MAP9: variants seen among roughly 807,000 people sequenced by gnomAD.
MAP9 encodes the protein microtubule associated protein 9.
In MAP9, 80 loss-of-function variants were observed where a neutral mutation model predicts 75.2. That is an observed-to-expected ratio of 1.06 (90% CI 0.89 to 1.28). The LOEUF (loss-of-function observed/expected upper bound fraction) is 1.28. Ranked by LOEUF, MAP9 falls within the 50% of genes most tolerant of loss-of-function variation. The pLI is 0.00. For synonymous variants in MAP9, 235 were observed against 237.3 expected (o/e 0.99, Z 0.09); for missense variants, 753 against 719.9 (o/e 1.05, Z -0.53).
chr4:155,368,389 C>T (rs892796743), intron 5 of MAP9, 197 bp downstream of exon 5: 14 of 616,910 alleles, frequency 2.3e-5, no homozygotes, highest in South Asian at 6.0e-5. Flanking sequence ...AATAATGCTA[C>T]GTCTTACAAT....
At chr4:155,369,466 G>T (rs943527582) in intron 4 of MAP9, among the ~76,000 whole-genome samples, 2 of 131,090 alleles carry the variant, frequency 1.5e-5, no homozygotes, top group East Asian at 4.3e-4. Context: ...AAAAAAAAAT[G>T]TTAAAAATAA....
chr4:155,349,754 G>A (rs1305778221), intron 13 of MAP9: 1 of 152,308 alleles, frequency 6.6e-6, no homozygotes, highest in African/African-American at 2.4e-5. Context: ...AGACCATCTA[G>A]CTAGGCGGAA....
chr4:155,350,876 T>G (rs1468137289), intron 13 of MAP9, among the ~76,000 whole-genome samples: 1 of 151,996 alleles, frequency 6.6e-6, no homozygotes, highest in Admixed American at 6.6e-5. Context: ...TTTTCTCAAG[T>G]CTTCATTTGT....
At position 155,352,705 on chromosome 4, in the gene MAP9, A is replaced by G; in HGVS notation, c.1712T>C (p.Phe571Ser). The G allele has an allele frequency of 1.3e-6, 2 of 1,559,780 alleles. No individual in the cohort carries two copies. Among genetic ancestry groups the G allele is most frequent in the Non-Finnish European group, 1.7e-6 (2 of 1,147,604 alleles). Residue 571 changes from phenylalanine (F) to serine (S), a missense_variant, in exon 13 of 14, where the codon TTC becomes TCC. Phe to Ser is a radical substitution (Grantham distance 155). Coordinates refer to ENST00000311277, the MANE Select transcript of MAP9 (RefSeq NM_001039580.2). ...TATTTTTTCTTTTTCCTTTTGCTTGAAAAAAGCTTCCTTTTTTTCATTCCT... is the reference window on the plus strand; with the variant it reads ...TATTTTTTCTTTTTCCTTTTGCTTGGAAAAAGCTTCCTTTTTTTCATTCCT... Reference protein sequence around the residue: ...EKWNEKKEAFFKQKEKEKINE... With the variant: ...EKWNEKKEAFSKQKEKEKINE...
chr4:155,353,140 A>T, intron 11 of MAP9, 39 bp downstream of exon 11: 1 of 1,544,716 alleles, frequency 6.5e-7, no homozygotes, highest in Non-Finnish European at 8.7e-7. Flanking sequence ...TGGATTTCAA[A>T]TGTTTTAAAA....
chr4:155,367,863 T>A lies in MAP9; in HGVS notation c.708+723A>T, dbSNP rs115154760. 1.2e-3 allele frequency among the ~76,000 whole-genome samples: 182 copies of A among 152,342 alleles called. 1 individual carries two copies. The highest frequency in any genetic ancestry group is 3.4e-3 in the Middle Eastern group (1 of 292). Reference sequence around the variant, plus strand: ...AAGCACCAACACTGCAGACAAGCGATGAGAAAAAGAAAGAAGCTTGGCCAG... The same window carrying A: ...AAGCACCAACACTGCAGACAAGCGAAGAGAAAAAGAAAGAAGCTTGGCCAG... On this transcript the variant is annotated intron_variant, in intron 5 of 13. Transcript: ENST00000311277.
intron 5 of MAP9, among the ~76,000 whole-genome samples, chr4:155,366,594 A>G (rs973179078): frequency 6.6e-6 from 1 of 152,210 alleles, no homozygotes; most frequent in Non-Finnish European, 1.5e-5. Flanking sequence ...TTTAGCACGA[A>G]AGACACAAAA....
At chr4:155,370,034 A>C (rs1264510713) in intron 4 of MAP9, among the ~76,000 whole-genome samples, 1 of 152,188 alleles carries the variant, frequency 6.6e-6, no homozygotes, top group Non-Finnish European at 1.5e-5. Context: ...CTGCCAGAAG[A>C]TTCCACAACC....
At chr4:155,362,194 T>C in intron 5 of MAP9, 53 bp from the exon 6 acceptor site, 1 of 1,055,542 alleles carries the variant, frequency 9.5e-7, no homozygotes, top group Non-Finnish European at 1.4e-6. Context: ...AATTAACATT[T>C]ATGGGAACAA....
chr4:155,363,428 G>C (rs1279464870), intron 5 of MAP9: 6 of 152,048 alleles, frequency 3.9e-5, no homozygotes, highest in Non-Finnish European at 8.8e-5. Flanking sequence ...AAAAAACAGA[G>C]AATGGTCAAT....
rs764459907 is a variant in MAP9, at chr4:155,368,671, T to C, written c.623A>G (p.His208Arg). 3.7e-6 allele frequency: 6 copies of C among 1,614,232 alleles called. No individual in the cohort carries two copies. The highest frequency in any genetic ancestry group is 1.1e-5 in the South Asian group (1 of 91,090). ...ETALSEELEL[H>R]SAPSSLPTPN... The stretch of plus-strand genomic sequence containing the variant: ...CGTTGGAAGGGAAGAAGGTGCAGAA[T>C]GTAACTCCAATTCTTCACTGAGGGC... Residue 208 changes from histidine (H) to arginine (R), a missense_variant, in exon 5 of 14, where the codon CAT (histidine) becomes CGT (arginine). Transcript: ENST00000311277.
At chr4:155,369,236 T>C (rs1402974905) in intron 4 of MAP9, among the ~76,000 whole-genome samples, 4 of 150,700 alleles carry the variant, frequency 2.7e-5, no homozygotes, top group Non-Finnish European at 4.4e-5. Context: ...GGCAGGAGGA[T>C]TGCTTGAACC....
intron 13 of MAP9, chr4:155,350,133 A>T: frequency 3.0e-6 from 1 of 329,106 alleles, no homozygotes; most frequent in Non-Finnish European, 5.9e-6. Context: ...ATTACCCACC[A>T]AATGCTTACT....
intron 5 of MAP9, chr4:155,368,199 A>G (rs944513213): frequency 9.9e-6 from 3 of 302,772 alleles, no homozygotes; most frequent in African/African-American, 6.5e-5. Flanking sequence ...TCTTAGCCAT[A>G]AATTACATAA....
At chr4:155,371,099 G>C (rs896679478) in intron 4 of MAP9, among the ~76,000 whole-genome samples, 1 of 152,094 alleles carries the variant, frequency 6.6e-6, no homozygotes, top group African/African-American at 2.4e-5. Context: ...CATATCCTGT[G>C]AAAAATACTT....
intron 5 of MAP9, 181 bp from the exon 6 acceptor site, chr4:155,362,322 T>C: frequency 6.2e-6 from 3 of 482,162 alleles, no homozygotes; most frequent in Non-Finnish European, 1.1e-5. Context: ...TGCTTTACTT[T>C]CAAGCCTTGA....
At position 155,368,672 on chromosome 4, in the gene MAP9, G is replaced by C; in HGVS notation, c.622C>G (p.His208Asp). Residue 208 changes from histidine to aspartate, a missense_variant, in exon 5 of 14, where the codon CAT becomes GAT. His to Asp is a moderately conservative substitution (Grantham distance 81). Coordinates refer to ENST00000311277, the MANE Select transcript of MAP9 (RefSeq NM_001039580.2). Reference protein sequence around the residue: ...ETALSEELELHSAPSSLPTPN... With the variant: ...ETALSEELELDSAPSSLPTPN... ...GTTGGAAGGGAAGAAGGTGCAGAAT[G>C]TAACTCCAATTCTTCACTGAGGGCA... 6.2e-7 allele frequency: 1 copy of C among 1,614,158 alleles called. No individual in the cohort carries two copies. The highest frequency in any genetic ancestry group is 1.3e-5 in the African/African-American group (1 of 75,050).
Position 155,352,716 on chromosome 4 carries a change from C to CT in MAP9, c.1700dup (p.Glu568GlyfsTer14), listed in dbSNP as rs1215313075. ...TTTCCTTTTGCTTGAAAAAAGCTTCCTTTTTTTCATTCCTATAGAGCATAG... is the reference window on the plus strand; with the variant it reads ...TTTCCTTTTGCTTGAAAAAAGCTTCCTTTTTTTTCATTCCTATAGAGCATAG... On this transcript the variant is annotated frameshift_variant, in exon 13 of 14. Transcript: ENST00000311277. LOFTEE classifies it high-confidence loss of function. 8 of 1,516,062 alleles carry CT rather than the reference C, an allele frequency of 5.3e-6. No homozygotes were observed. The highest frequency in any genetic ancestry group is 3.8e-5 in the Admixed American group (2 of 52,634). The allele number at this position is 1,516,062 out of a possible 1,614,324, so 93.9% of individuals were successfully genotyped here.
intron 5 of MAP9, among the ~76,000 whole-genome samples, chr4:155,367,805 C>T (rs1732397660): frequency 6.6e-6 from 1 of 152,228 alleles, no homozygotes; most frequent in African/African-American, 2.4e-5. Flanking sequence ...CCTCTCAGCA[C>T]CTTCTGCCTC....
Sources: gnomAD v4.1 joint callset for allele counts (sites outside exome capture counted in the v4.1 genomes callset) on GRCh38, gnomAD v4.1.1 for gene constraint, MANE v1.5 for transcripts, NCBI Gene and HGNC (gene_info 2026-07-23, HGNC 2026-07-21) for gene names.